The following KIR3DL1 variants were observed in gnomAD, a reference collection of about 807,000 sequenced individuals.
The protein encoded by KIR3DL1 is killer cell immunoglobulin like receptor, three Ig domains and long cytoplasmic tail 1.
KIR3DL1 carries 50 observed loss-of-function variants against 40.3 expected under a neutral mutation model. The ratio of observed to expected loss-of-function variants is 1.24; its 90% CI spans 0.99 to 1.57. The LOEUF is 1.57. KIR3DL1 is among the 40% of genes most tolerant of loss of function. The pLI is 0.00. For missense variants in KIR3DL1, 661 were observed against 559.9 expected, an observed-to-expected ratio of 1.18 and a Z score of -1.82; for synonymous variants, 257 against 207.2, an observed-to-expected ratio of 1.24 and a Z score of -2.07.
chr19:54,824,898 G>T lies in KIR3DL1; in HGVS notation c.950-130G>T. 4 of 987,878 alleles carry T rather than the reference G, an allele frequency of 4.0e-6. 1 individual carries two copies. The South Asian group carries it at 5.5e-5, about 14-fold the overall frequency. 61.2% of individuals were successfully genotyped at this position (987,878 alleles called of 1,614,324 possible). A position where few individuals can be genotyped will look rare whatever the true frequency, so the allele number is the denominator to read the frequency against. ...CATCGCACACAAAAATTATGGAGAA[G>T]AGGATCCCAAGACTCCCAGGGTCCA... On this transcript the variant is annotated intron_variant, in intron 5 of 8. Coordinates refer to ENST00000391728, the Ensembl canonical transcript of KIR3DL1.
At chr19:54,830,175 C>T (rs1469203418) in exon 9 of KIR3DL1, 1 of 1,524,294 alleles carries the variant, frequency 6.6e-7, no homozygotes, top group African/African-American at 1.4e-5. Context: ...AGAAAAATCA[C>T]TCGCCCTTCT....
intron 4 of KIR3DL1, among the ~76,000 whole-genome samples, chr19:54,821,358 A>G (rs1443828067): frequency 6.6e-6 from 1 of 151,076 alleles, no homozygotes; most frequent in Non-Finnish European, 1.5e-5. Context: ...GGGAAAACAT[A>G]CCTCAGGGTG....
At chr19:54,829,055 G>C (rs188727903) in intron 6 of KIR3DL1, among the ~76,000 whole-genome samples, 11 of 143,216 alleles carry the variant, frequency 7.7e-5, no homozygotes, top group African/African-American at 2.8e-4. Flanking sequence ...ATCTGTTCAT[G>C]ATGGATCCAC....
chr19:54,828,537 C>G (rs938972058), intron 6 of KIR3DL1, among the ~76,000 whole-genome samples: 4 of 150,982 alleles, frequency 2.6e-5, no homozygotes. Context: ...AAAAGCTGCT[C>G]GAGACATGTG....
At chr19:54,826,141 G>A (rs1323937700) in intron 6 of KIR3DL1, among the ~76,000 whole-genome samples, 1 of 150,524 alleles carries the variant, frequency 6.6e-6, no homozygotes. Context: ...ACATTTTGGG[G>A]TGGGACAGCA....
chr19:54,826,115 G>A (rs1260254344), intron 6 of KIR3DL1, among the ~76,000 whole-genome samples: 1 of 150,660 alleles, frequency 6.6e-6, no homozygotes, highest in Non-Finnish European at 1.5e-5. Context: ...CACAAGCTAT[G>A]GAGGCCAGGA....
At chr19:54,826,725 C>T (rs1295305376) in intron 6 of KIR3DL1, among the ~76,000 whole-genome samples, 1 of 150,766 alleles carries the variant, frequency 6.6e-6, no homozygotes, top group East Asian at 1.9e-4. Context: ...ACGGATTGAA[C>T]CCCTGAAAGA....
rs1310797522 is a variant in KIR3DL1, at chr19:54,819,496, C to G, written c.356-217C>G. ...AGAGATGAGGCTGTCTTCACAGTGG[C>G]AAGGGAGTCAGGGGCTACTGGAGAC... On this transcript the variant is annotated intron_variant, in intron 3 of 8. Transcript: ENST00000391728. Among the ~76,000 whole-genome samples, 14 of 151,142 alleles carry G rather than the reference C, an allele frequency of 9.3e-5. No individual in the cohort carries two copies. The East Asian group carries it at 1.5e-3, about 17-fold the overall frequency.
exon 4 of KIR3DL1, chr19:54,819,874 G>A: frequency 6.2e-7 from 1 of 1,612,252 alleles, no homozygotes; most frequent in Non-Finnish European, 8.5e-7. Context: ...ACAGATCCAT[G>A]ATGGGGTCTC....
chr19:54,830,376 C>A lies in KIR3DL1; in HGVS notation c.*101C>A. 3 of 1,305,802 alleles carry A rather than the reference C, an allele frequency of 2.3e-6. 1 individual carries two copies. Among genetic ancestry groups the A allele is most frequent in the South Asian group, 2.7e-5 (2 of 73,930 alleles). The allele number at this position is 1,305,802 out of a possible 1,614,324, so 80.9% of individuals were successfully genotyped here. On this transcript the variant is annotated 3_prime_UTR_variant, in exon 9 of 9. Transcript: ENST00000391728. ...TGTACCAGCAGCTGGAATCTGAAGGCGTGAGTCTTCATCTTAGGGCATCGC... is the reference window on the plus strand; with the variant it reads ...TGTACCAGCAGCTGGAATCTGAAGGAGTGAGTCTTCATCTTAGGGCATCGC...
chr19:54,825,033 C>G lies in KIR3DL1; in HGVS notation c.955C>G (p.Pro319Ala). ...TCTCCTGTCCCATGTTCTAGGAAAC[C>G]CTTCAAGTAGTTGGCCTTCACCCAC... The change falls in exon 6 of 9, where the codon CCT becomes GCT. Residue 319 changes from proline (P) to alanine (A), a missense_variant. Physicochemically the swap from Pro to Ala is conservative, Grantham distance 27. Coordinates refer to ENST00000391728, the Ensembl canonical transcript of KIR3DL1. 1 of 1,508,654 alleles carries G rather than the reference C, an allele frequency of 6.6e-7. No individual in the cohort carries two copies. The highest frequency in any genetic ancestry group is 1.4e-5 in the African/African-American group (1 of 70,890). 93.5% of individuals were successfully genotyped at this position (1,508,654 alleles called of 1,614,324 possible). A position where few individuals can be genotyped will look rare whatever the true frequency, so the allele number is the denominator to read the frequency against.
intron 1 of KIR3DL1, among the ~76,000 whole-genome samples, chr19:54,817,313 G>T (rs2061399267): frequency 6.8e-6 from 1 of 146,792 alleles, no homozygotes; most frequent in Admixed American, 6.8e-5. Context: ...GTGGAGATCT[G>T]GGCCTGTTGT....
intron 5 of KIR3DL1, among the ~76,000 whole-genome samples, chr19:54,823,517 A>T (rs949619825): frequency 2.6e-5 from 4 of 151,126 alleles, no homozygotes; most frequent in African/African-American, 4.9e-5. Context: ...TTATGTTGAG[A>T]TGGAGTTTCA....
intron 5 of KIR3DL1, among the ~76,000 whole-genome samples, chr19:54,823,656 C>A (rs2061746944): frequency 6.6e-6 from 1 of 151,378 alleles, no homozygotes; most frequent in African/African-American, 2.4e-5. Context: ...TGCCACCACG[C>A]CTAGCTAATT....
intron 4 of KIR3DL1, among the ~76,000 whole-genome samples, chr19:54,820,355 C>T (rs573274431): frequency 2.0e-5 from 3 of 151,642 alleles, no homozygotes; most frequent in African/African-American, 7.3e-5. Context: ...TTCTGTTTTA[C>T]CTCCACAAAG....
At chr19:54,819,570 G>A in intron 3 of KIR3DL1, 143 bp from the exon 4 acceptor site, 1 of 994,212 alleles carries the variant, frequency 1.0e-6, no homozygotes, top group South Asian at 1.6e-5. Context: ...CCTGCACCAG[G>A]GGATATGGGC....
chr19:54,830,048 C>T (rs2062137751), intron 8 of KIR3DL1, 51 bp from the exon 9 acceptor site: 1 of 1,520,580 alleles, frequency 6.6e-7, no homozygotes. Context: ...ACGTGAGCAC[C>T]CTCCCTCACT....
chr19:54,817,356 C>G (rs2061401954), intron 1 of KIR3DL1, among the ~76,000 whole-genome samples, 178 bp from the exon 2 acceptor site: 1 of 109,894 alleles, frequency 9.1e-6, no homozygotes, highest in Non-Finnish European at 1.9e-5. Context: ...AGATCTGGGC[C>G]TGGAGGCTCA....
At chr19:54,818,398 C>T (rs777577843) in exon 3 of KIR3DL1, 3 of 1,607,192 alleles carry the variant, frequency 1.9e-6, no homozygotes, top group Non-Finnish European at 2.5e-6. Flanking sequence ...GTGTCACTAT[C>T]GTCATAGGTT....
Sources: gnomAD v4.1 joint callset for allele counts (sites outside exome capture counted in the v4.1 genomes callset) on GRCh38, gnomAD v4.1.1 for gene constraint, MANE v1.5 for transcripts, NCBI Gene and HGNC (gene_info 2026-07-23, HGNC 2026-07-21) for gene names.